The following VPS13B variants were observed in gnomAD, a reference collection of about 807,000 sequenced individuals.
VPS13B encodes the protein intermembrane lipid transfer protein VPS13B.
A neutral mutation model predicts 426.4 loss-of-function variants in VPS13B; 285 were observed. The ratio of observed to expected loss-of-function variants is 0.67; its 90% confidence interval spans 0.61 to 0.74. The LOEUF is 0.74. Ranked by LOEUF, VPS13B falls within the 30% of genes least tolerant of loss-of-function variation. The pLI, the probability that VPS13B is intolerant of heterozygous loss-of-function variation, is 0.00. For synonymous variants in VPS13B, 1,676 were observed against 1,676.4 expected (o/e 1.00, Z 0.01); for missense variants, 4,537 against 4,782.6 (o/e 0.95, Z 1.51).
chr8:99,760,887 G>A (rs1050708948), intron 39 of VPS13B, among the ~76,000 whole-genome samples: 1 of 152,152 alleles, frequency 6.6e-6, no homozygotes, highest in Non-Finnish European at 1.5e-5. Flanking sequence ...GTATCATGAG[G>A]AATCTGGAGA....
intron 17 of VPS13B, among the ~76,000 whole-genome samples, chr8:99,222,489 A>G (rs1354944981): frequency 2.0e-5 from 3 of 152,228 alleles, no homozygotes; most frequent in Non-Finnish European, 4.4e-5. Context: ...TAGTAATAGC[A>G]GTGATCGAAT....
intron 33 of VPS13B, 41 bp from the exon 34 acceptor site, chr8:99,641,770 A>G (rs747204283): frequency 1.2e-5 from 19 of 1,562,298 alleles, no homozygotes; most frequent in East Asian, 2.3e-5. Context: ...GACACTTGGC[A>G]TGTAACTAGT....
chr8:99,406,609 G>A (rs1213306247), intron 21 of VPS13B, among the ~76,000 whole-genome samples: 1 of 152,142 alleles, frequency 6.6e-6, no homozygotes, highest in Non-Finnish European at 1.5e-5. Flanking sequence ...ATTTTAAAAT[G>A]TTGAATTATT....
At chr8:99,723,393 C>T (rs560724606) in intron 39 of VPS13B, among the ~76,000 whole-genome samples, 43 of 152,236 alleles carry the variant, frequency 2.8e-4, no homozygotes, top group African/African-American at 9.2e-4. Flanking sequence ...TAACATGATG[C>T]TCAAAGGAAA....
chr8:99,059,566 G>A (rs1245661701), intron 3 of VPS13B, among the ~76,000 whole-genome samples: 1 of 152,120 alleles, frequency 6.6e-6, no homozygotes, highest in African/African-American at 2.4e-5. Flanking sequence ...AAGGCTGACT[G>A]TAAGGTATTT....
chr8:99,597,340 GT>G (rs1827069243), intron 33 of VPS13B, among the ~76,000 whole-genome samples: 1 of 151,980 alleles, frequency 6.6e-6, no homozygotes, highest in African/African-American at 2.4e-5. Flanking sequence ...AGTTAAATAA[GT>G]TTAGGTATAA....
chr8:99,783,854 T>C (rs1168020845), intron 42 of VPS13B, among the ~76,000 whole-genome samples: 1 of 152,174 alleles, frequency 6.6e-6, no homozygotes, highest in African/African-American at 2.4e-5. Context: ...GATCTGGGGA[T>C]GTTTTACCTA....
chr8:99,630,384 T>C (rs1828791931), intron 33 of VPS13B, among the ~76,000 whole-genome samples: 1 of 152,170 alleles, frequency 6.6e-6, no homozygotes, highest in Non-Finnish European at 1.5e-5. Context: ...CCTCATTGTC[T>C]CTACTGCCAT....
At chr8:99,332,285 C>T (rs4735611) in intron 19 of VPS13B, among the ~76,000 whole-genome samples, 9,569 of 151,344 alleles carry the variant, frequency 0.063, 407 homozygotes, top group African/African-American at 0.12. Context: ...AAATAGTAAA[C>T]CTGAGATAAT....
chr8:99,544,261 A>G (rs945048140), intron 30 of VPS13B, among the ~76,000 whole-genome samples: 2 of 152,126 alleles, frequency 1.3e-5, no homozygotes, highest in African/African-American at 4.8e-5. Flanking sequence ...GGAACTGAAC[A>G]ATGAGAACAC....
rs561564738 is a variant in VPS13B, at chr8:99,195,249, G to A, written c.2515+2192G>A. On this transcript the variant is annotated intron_variant, in intron 17 of 61. Transcript: ENST00000357162. ...AACAGGTATGTGGTTATATCTCATT[G>A]TGAATTTAATTTACATTTCTCTAGT... 2.6e-5 allele frequency among the ~76,000 whole-genome samples: 4 copies of A among 152,220 alleles called. No individual in the cohort carries two copies. In the South Asian group the frequency reaches 8.3e-4, roughly 32 times the overall value.
chr8:99,682,398 C>G (rs1831190114), intron 35 of VPS13B, among the ~76,000 whole-genome samples: 1 of 152,180 alleles, frequency 6.6e-6, no homozygotes, highest in Non-Finnish European at 1.5e-5. Context: ...AGATTATTTT[C>G]TCATTGCTGA....
chr8:99,586,963 G>A (rs925507502), intron 33 of VPS13B, among the ~76,000 whole-genome samples: 6 of 151,988 alleles, frequency 3.9e-5, no homozygotes, highest in Non-Finnish European at 7.4e-5. Flanking sequence ...TACTCCTAAT[G>A]CTATCCCTCC....
At chr8:99,142,897 T>C in intron 12 of VPS13B, 77 bp from the exon 13 acceptor site, 2 of 1,463,870 alleles carry the variant, frequency 1.4e-6, no homozygotes, top group Admixed American at 4.3e-5. Flanking sequence ...GCTATAAAAA[T>C]GAGAGAAGAG....
chr8:99,486,462 G>T (rs1307821326), intron 25 of VPS13B, among the ~76,000 whole-genome samples: 1 of 152,020 alleles, frequency 6.6e-6, no homozygotes, highest in Non-Finnish European at 1.5e-5. Context: ...CTGACCTCAG[G>T]TGTTCTGCCT....
chr8:99,622,053 A>G (rs1433184136), intron 33 of VPS13B, among the ~76,000 whole-genome samples: 2 of 151,956 alleles, frequency 1.3e-5, no homozygotes, highest in African/African-American at 4.8e-5. Context: ...GCTGGTCTCA[A>G]ACATTCATTC....
chr8:99,740,071 TG>T (rs1312686960), intron 39 of VPS13B, among the ~76,000 whole-genome samples: 2 of 151,834 alleles, frequency 1.3e-5, no homozygotes, highest in Admixed American at 6.6e-5. Flanking sequence ...CTAAAAACCT[TG>T]CAAAAAAAAT....
At chr8:99,845,391 ACTT>A (rs1815930639) in intron 54 of VPS13B, among the ~76,000 whole-genome samples, 1 of 152,084 alleles carries the variant, frequency 6.6e-6, no homozygotes, top group Non-Finnish European at 1.5e-5. Context: ...ATGATTAACA[ACTT>A]CTCAAGATTC....
chr8:99,596,384 T>G (rs1254198139), intron 33 of VPS13B, among the ~76,000 whole-genome samples: 4 of 151,984 alleles, frequency 2.6e-5, no homozygotes, highest in Non-Finnish European at 5.9e-5. Context: ...GGAGACTGTT[T>G]TAGCTGCATG....
Sources: allele counts gnomAD v4.1 joint callset (sites outside exome capture counted in the v4.1 genomes callset), GRCh38; gene constraint gnomAD v4.1.1; transcripts MANE v1.5; gene names NCBI Gene and HGNC (gene_info 2026-07-23, HGNC 2026-07-21).